The following MALRD1 variants were observed in gnomAD, a reference collection of about 807,000 sequenced individuals.
The protein encoded by MALRD1 is MAM and LDL-receptor class A domain-containing protein 1.
MALRD1 carries 247 observed loss-of-function variants against 242.1 expected under a neutral mutation model. The ratio of observed to expected loss-of-function variants is 1.02; its 90% confidence interval spans 0.92 to 1.13. The LOEUF (loss-of-function observed/expected upper bound fraction) is 1.13. Ranked by LOEUF, MALRD1 falls within the 50% of genes most tolerant of loss-of-function variation. The pLI is 0.00. For synonymous variants in MALRD1, 995 were observed against 866.6 expected, an observed-to-expected ratio of 1.15 and a Z score of -2.60; for missense variants, 2,989 against 2,533.1, an observed-to-expected ratio of 1.18 and a Z score of -3.86.
At chr10:19,274,553 G>A (rs1467829604) in intron 19 of MALRD1, among the ~76,000 whole-genome samples, 5 of 152,120 alleles carry the variant, frequency 3.3e-5, no homozygotes, top group Non-Finnish European at 5.9e-5. Flanking sequence ...CAGGAAGTGG[G>A]CCAGACACCA....
chr10:19,418,243 T>C (rs1348485791), intron 28 of MALRD1, among the ~76,000 whole-genome samples: 1 of 151,838 alleles, frequency 6.6e-6, no homozygotes, highest in East Asian at 1.9e-4. Flanking sequence ...ACTAGCTAGA[T>C]AATAGATCAA....
chr10:19,541,497 C>G (rs1041336106), intron 32 of MALRD1, among the ~76,000 whole-genome samples: 1 of 152,114 alleles, frequency 6.6e-6, no homozygotes, highest in African/African-American at 2.4e-5. Context: ...ATCATTTGTA[C>G]AATATGACAC....
chr10:19,274,675 A>G (rs913509700), intron 19 of MALRD1, among the ~76,000 whole-genome samples: 4 of 152,206 alleles, frequency 2.6e-5, no homozygotes, highest in Admixed American at 2.0e-4. Context: ...ACTGACTAAG[A>G]CAATGGATTA....
intron 5 of MALRD1, among the ~76,000 whole-genome samples, chr10:19,116,195 AT>A: frequency 6.6e-6 from 1 of 152,216 alleles, no homozygotes; most frequent in Non-Finnish European, 1.5e-5. Flanking sequence ...TGATTCTTGA[AT>A]AACACTGATT....
intron 11 of MALRD1, among the ~76,000 whole-genome samples, chr10:19,150,684 T>G (rs1446477414): frequency 6.6e-6 from 1 of 152,206 alleles, no homozygotes; most frequent in Non-Finnish European, 1.5e-5. Context: ...TACATTCCCA[T>G]TGTCCTATAT....
At chr10:19,067,901 G>A (rs1404671831) in intron 2 of MALRD1, among the ~76,000 whole-genome samples, 1 of 151,978 alleles carries the variant, frequency 6.6e-6, no homozygotes, top group African/African-American at 2.4e-5. Flanking sequence ...AATTTGTTTG[G>A]CTTTAATGTC....
chr10:19,615,491 T>C (rs957317899), intron 35 of MALRD1, among the ~76,000 whole-genome samples: 1 of 85,860 alleles, frequency 1.2e-5, no homozygotes. Context: ...ATTCCAAGCC[T>C]GAATGACAGA....
At chr10:19,470,688 G>A (rs1836448433) in intron 29 of MALRD1, among the ~76,000 whole-genome samples, 1 of 151,884 alleles carries the variant, frequency 6.6e-6, no homozygotes, top group Non-Finnish European at 1.5e-5. Flanking sequence ...TAGTGATATT[G>A]TCCATGTTTT....
At chr10:19,297,167 A>G (rs1841744048) in intron 21 of MALRD1, among the ~76,000 whole-genome samples, 1 of 150,846 alleles carries the variant, frequency 6.6e-6, no homozygotes, top group Non-Finnish European at 1.5e-5. Flanking sequence ...GTTTTTGAGA[A>G]TAAGATGAGT....
chr10:19,529,546 AG>A (rs71388844), intron 31 of MALRD1, among the ~76,000 whole-genome samples: 3 of 128,614 alleles, frequency 2.3e-5, no homozygotes, highest in Admixed American at 7.7e-5. Context: ...AAAAAACAGG[AG>A]GGGGGGGGAG....
intron 26 of MALRD1, among the ~76,000 whole-genome samples, chr10:19,355,843 TTA>T (rs1554838608): frequency 3.4e-5 from 1 of 29,206 alleles, no homozygotes; most frequent in South Asian, 5.7e-4. Flanking sequence ...AGAACATATA[TTA>T]TATATATATA....
chr10:19,552,692 G>A lies in MALRD1; in HGVS notation c.5479-14810G>A, dbSNP rs369978504. Among the ~76,000 whole-genome samples, 14 of 151,056 alleles carry A rather than the reference G, an allele frequency of 9.3e-5. No individual in the cohort carries two copies. In the East Asian group the frequency reaches 1.2e-3, roughly 13 times the overall value. ...TATATAAGTTGATGAATTGATTATCGTAGAAATATTTTTTAATTTCAAAAG... is the reference window on the plus strand; with the variant it reads ...TATATAAGTTGATGAATTGATTATCATAGAAATATTTTTTAATTTCAAAAG... On this transcript the variant is annotated intron_variant, in intron 32 of 39. Coordinates refer to ENST00000454679, the MANE Select transcript of MALRD1 (RefSeq NM_001142308.3).
intron 12 of MALRD1, among the ~76,000 whole-genome samples, chr10:19,158,921 A>G (rs940685320): frequency 1.3e-5 from 2 of 152,214 alleles, no homozygotes; most frequent in Non-Finnish European, 2.9e-5. Context: ...GTAATTTTGG[A>G]TCATGTCCTG....
intron 26 of MALRD1, among the ~76,000 whole-genome samples, chr10:19,357,116 A>T (rs1844672806): frequency 6.6e-6 from 1 of 151,248 alleles, no homozygotes; most frequent in Admixed American, 6.6e-5. Flanking sequence ...TCTGAAAAAA[A>T]AAAATAAAAA....
intron 38 of MALRD1, among the ~76,000 whole-genome samples, chr10:19,718,132 G>T (rs986579104): frequency 6.6e-6 from 1 of 150,710 alleles, no homozygotes; most frequent in African/African-American, 2.4e-5. Context: ...AGAAGAGGAA[G>T]AAGAGGAAGA....
intron 31 of MALRD1, among the ~76,000 whole-genome samples, chr10:19,530,431 T>A (rs1366275031): frequency 1.5e-5 from 1 of 66,774 alleles, no homozygotes; most frequent in African/African-American, 4.9e-5. Flanking sequence ...AAATATATAA[T>A]ATATATAATA....
chr10:19,185,005 A>G (rs1835674933), intron 14 of MALRD1, among the ~76,000 whole-genome samples: 1 of 152,232 alleles, frequency 6.6e-6, no homozygotes, highest in African/African-American at 2.4e-5. Flanking sequence ...TTATGCAAAT[A>G]CTATTTATAA....
chr10:19,707,420 C>T (rs548475663), intron 38 of MALRD1, among the ~76,000 whole-genome samples: 1 of 152,248 alleles, frequency 6.6e-6, no homozygotes, highest in South Asian at 2.1e-4. Flanking sequence ...CTAACTGATA[C>T]GAACAAGGCA....
intron 25 of MALRD1, 25 bp from the exon 26 acceptor site, chr10:19,351,981 G>A (rs986854028): frequency 7.4e-6 from 11 of 1,494,124 alleles, no homozygotes; most frequent in Middle Eastern, 1.8e-4. Flanking sequence ...CATATCGTAT[G>A]TAATATTCCT....
Sources: gnomAD v4.1 joint callset for allele counts (sites outside exome capture counted in the v4.1 genomes callset) on GRCh38, gnomAD v4.1.1 for gene constraint, MANE v1.5 for transcripts, NCBI Gene and HGNC (gene_info 2026-07-23, HGNC 2026-07-21) for gene names.